The following ZC2HC1B variants were observed in gnomAD, a reference collection of about 807,000 sequenced individuals.
The protein encoded by ZC2HC1B is zinc finger C2HC-type containing 1B, also known as zinc finger C2HC domain-containing protein 1B.
A neutral mutation model predicts 31.0 loss-of-function variants in ZC2HC1B; 36 were observed. That is an observed-to-expected ratio of 1.16 (90% CI 0.89 to 1.54). The LOEUF (loss-of-function observed/expected upper bound fraction) is 1.54. Among genes scored for constraint, ZC2HC1B ranks in the 40% most tolerant of loss-of-function variants. The pLI is 0.00. For missense variants in ZC2HC1B, 260 were observed against 268.6 expected (o/e 0.97, Z 0.22); for synonymous variants, 73 against 88.0 (o/e 0.83, Z 0.95).
Position 143,917,209 on chromosome 6 carries a change from T to C in ZC2HC1B, c.598+14057T>C, listed in dbSNP as rs901404244. Among the ~76,000 whole-genome samples, 3 of 152,224 alleles carry C rather than the reference T, an allele frequency of 2.0e-5. No individual in the cohort carries two copies. The highest frequency in any genetic ancestry group is 2.1e-4 in the South Asian group (1 of 4,828). ...CTCTCTGTTCTCTTGTCTGCTGCCA[T>C]GTGAGACGTGCCTTTCACCTTCCAC... On this transcript the variant is annotated intron_variant, in intron 6 of 7. Transcript: ENST00000237275. This position sits in a 1 kb window ranked among gnomAD's most constrained non-coding sequence, Gnocchi z 4.1.
intron 1 of ZC2HC1B, among the ~76,000 whole-genome samples, chr6:143,866,141 G>A (rs1777258889): frequency 1.3e-5 from 2 of 152,162 alleles, no homozygotes; most frequent in Admixed American, 1.3e-4. Flanking sequence ...AGCACTGCCC[G>A]TGAATGGTGT....
At chr6:143,892,046 C>G (rs1777608002) in intron 4 of ZC2HC1B, among the ~76,000 whole-genome samples, 1 of 152,140 alleles carries the variant, frequency 6.6e-6, no homozygotes. Flanking sequence ...AACCTTGATT[C>G]TTATACCATT....
chr6:143,884,275 A>G lies in ZC2HC1B; in HGVS notation c.29-29A>G, dbSNP rs1179392846. On this transcript the variant is annotated intron_variant, in intron 1 of 7. Transcript: ENST00000237275. The surrounding 1 kb of genome is among the most constrained non-coding windows in gnomAD (Gnocchi z 5.1). ...CTCAGCGAGGAAATTCCATGAAACT[A>G]ACATAATGTGCTCTTGAATTTTACA... 2 of 1,513,438 alleles carry G rather than the reference A, an allele frequency of 1.3e-6. No individual in the cohort carries two copies. The highest frequency in any genetic ancestry group is 8.9e-7 in the Non-Finnish European group (1 of 1,118,102). The allele number at this position is 1,513,438 out of a possible 1,614,324, so 93.8% of individuals were successfully genotyped here.
At position 143,920,256 on chromosome 6, in the gene ZC2HC1B, A is replaced by G. The variant is rs987643426; in HGVS notation, c.598+17104A>G. 3.9e-5 allele frequency among the ~76,000 whole-genome samples: 6 copies of G among 152,232 alleles called. No individual in the cohort carries two copies. In the East Asian group the frequency reaches 1.2e-3, roughly 29 times the overall value. ...TTAAGTTATAAGGATTAGATAACAA[A>G]TCAACACGAGGGTCTAGAACCATTG... On this transcript the variant is annotated intron_variant, in intron 6 of 7. Transcript: ENST00000237275.
chr6:143,886,939 A>G lies in ZC2HC1B; in HGVS notation c.349+118A>G, dbSNP rs1026714448. 9.7e-7 allele frequency: 1 copy of G among 1,033,704 alleles called. No homozygotes were observed. Among genetic ancestry groups the G allele is most frequent in the Non-Finnish European group, 1.3e-6 (1 of 772,364 alleles). The allele number at this position is 1,033,704 out of a possible 1,614,324, so 64.0% of individuals were successfully genotyped here. A position where few individuals can be genotyped will look rare whatever the true frequency, so the allele number is the denominator to read the frequency against. On this transcript the variant is annotated intron_variant, in intron 4 of 7. Transcript: ENST00000237275. The surrounding 1 kb of genome is among the most constrained non-coding windows in gnomAD (Gnocchi z 4.2). The stretch of plus-strand genomic sequence containing the variant: ...TTACATAGAAGTAATTTTATTAATT[A>G]TATAAAAGTAAACATCCTATTTTTT...
At chr6:143,901,717 C>T (rs752183136) in intron 5 of ZC2HC1B, among the ~76,000 whole-genome samples, 7 of 152,104 alleles carry the variant, frequency 4.6e-5, no homozygotes, top group Non-Finnish European at 8.8e-5. Flanking sequence ...CAGTGTCTTG[C>T]ACACAGGGGC....
At chr6:143,882,334 T>TATATATATATATATATATATATATATC (rs1554237238) in intron 1 of ZC2HC1B, among the ~76,000 whole-genome samples, 1 of 85,554 alleles carries the variant, frequency 1.2e-5, no homozygotes, top group Non-Finnish European at 2.0e-5. Flanking sequence ...TTTATATTTT[T>TATATATATATATATATATATATATATC]TATATATATA....
In ZC2HC1B at chr6:143,883,127, C is replaced by T. The variant is rs1003381290; in HGVS notation, c.29-1177C>T. Among the ~76,000 whole-genome samples the T allele has an allele frequency of 5.1e-4, 78 of 152,144 alleles. No homozygotes were observed. Among genetic ancestry groups the T allele is most frequent in the African/African-American group, 1.9e-3 (77 of 41,442 alleles). On this transcript the variant is annotated intron_variant, in intron 1 of 7. Coordinates refer to ENST00000237275, the MANE Select transcript of ZC2HC1B (RefSeq NM_001013623.3). This position sits in a 1 kb window ranked among gnomAD's most constrained non-coding sequence, Gnocchi z 4.1. ...TGATCATGGCTCACTGCAACTTCTGCCTCCTGGGCTCAAGTGATCCTCTCA... is the reference window on the plus strand; with the variant it reads ...TGATCATGGCTCACTGCAACTTCTGTCTCCTGGGCTCAAGTGATCCTCTCA...
chr6:143,926,521 G>A (rs573889036), intron 6 of ZC2HC1B, among the ~76,000 whole-genome samples: 5 of 151,792 alleles, frequency 3.3e-5, no homozygotes, highest in South Asian at 2.1e-4. Flanking sequence ...GACTTGCTTC[G>A]TGGCCTAGCA....
At chr6:143,907,916 A>G (rs1777815104) in intron 6 of ZC2HC1B, among the ~76,000 whole-genome samples, 2 of 152,194 alleles carry the variant, frequency 1.3e-5, no homozygotes, top group Non-Finnish European at 2.9e-5. Flanking sequence ...TTTGGGCTTT[A>G]CATTTAAGTC....
At chr6:143,881,283 G>T (rs1314831802) in intron 1 of ZC2HC1B, among the ~76,000 whole-genome samples, 2 of 152,086 alleles carry the variant, frequency 1.3e-5, no homozygotes, top group Non-Finnish European at 2.9e-5. Flanking sequence ...GGGCACGGTG[G>T]CTTACACCTG....
intron 6 of ZC2HC1B, among the ~76,000 whole-genome samples, chr6:143,932,669 T>A (rs184901198): frequency 2.6e-5 from 4 of 152,358 alleles, no homozygotes; most frequent in Non-Finnish European, 5.9e-5. Context: ...GTTCAGAGAT[T>A]GCTTCTTGGT....
intron 6 of ZC2HC1B, among the ~76,000 whole-genome samples, chr6:143,912,892 G>T (rs145711399): frequency 4.9e-4 from 75 of 152,306 alleles, no homozygotes; most frequent in African/African-American, 1.7e-3. Context: ...CAGGCACTTT[G>T]TCCCAGGGAC....
In ZC2HC1B at chr6:143,915,597, C is replaced by T. The variant is rs1777907777; in HGVS notation, c.598+12445C>T. Among the ~76,000 whole-genome samples, 1 of 152,118 alleles carries T rather than the reference C, an allele frequency of 6.6e-6. No homozygotes were observed. Among genetic ancestry groups the T allele is most frequent in the Admixed American group, 6.5e-5 (1 of 15,282 alleles). ...CTAGAGACTTGTTGAATGGCTTTGA[C>T]CAAAATGTTGATAGTGATACGGACA... On this transcript the variant is annotated intron_variant, in intron 6 of 7. Coordinates refer to ENST00000237275, the MANE Select transcript of ZC2HC1B (RefSeq NM_001013623.3). The surrounding 1 kb of genome is among the most constrained non-coding windows in gnomAD (Gnocchi z 5.2).
chr6:143,913,710 A>C lies in ZC2HC1B; in HGVS notation c.598+10558A>C, dbSNP rs531373432. 1.3e-5 allele frequency among the ~76,000 whole-genome samples: 2 copies of C among 152,324 alleles called. No individual in the cohort carries two copies. Among genetic ancestry groups the C allele is most frequent in the Non-Finnish European group, 2.9e-5 (2 of 68,018 alleles). The stretch of plus-strand genomic sequence containing the variant: ...GGCTCACAAGGGGATCTCCTGATCC[A>C]CAGGTTGCAAAGATTCATGGGAGAA... On this transcript the variant is annotated intron_variant, in intron 6 of 7. Transcript: ENST00000237275. The surrounding 1 kb of genome is among the most constrained non-coding windows in gnomAD (Gnocchi z 5.7).
chr6:143,927,500 A>G (rs777940682), intron 6 of ZC2HC1B, among the ~76,000 whole-genome samples: 4 of 152,212 alleles, frequency 2.6e-5, no homozygotes, highest in African/African-American at 7.2e-5. Flanking sequence ...TCATGGATAC[A>G]TAGTATTCCA....
At chr6:143,920,822 C>T (rs1009180702) in intron 6 of ZC2HC1B, among the ~76,000 whole-genome samples, 8 of 151,042 alleles carry the variant, frequency 5.3e-5, no homozygotes, top group South Asian at 2.1e-4. Flanking sequence ...GCAGGAGAAT[C>T]GCTTGAACCC....
rs974487795 is a variant in ZC2HC1B at position 143,937,852 on chromosome 6, C to T, written c.*14+119C>T. 19 of 654,430 alleles carry T rather than the reference C, an allele frequency of 2.9e-5. No homozygotes were observed. The South Asian group carries it at 4.1e-4, about 14-fold the overall frequency. 40.5% of individuals were successfully genotyped at this position (654,430 alleles called of 1,614,324 possible). A position where few individuals can be genotyped will look rare whatever the true frequency, so the allele number is the denominator to read the frequency against. ...CTGGACAAACTCCAAGTTGGGTTAA[C>T]AAAATGTATGCTCTTGAAACTGACT... On this transcript the variant is annotated intron_variant, in intron 7 of 7. Coordinates refer to ENST00000237275, the MANE Select transcript of ZC2HC1B (RefSeq NM_001013623.3).
rs1338639351 is a variant in ZC2HC1B at position 143,886,976 on chromosome 6, T to G, written c.349+155T>G. On this transcript the variant is annotated intron_variant, in intron 4 of 7. Coordinates refer to ENST00000237275, the MANE Select transcript of ZC2HC1B (RefSeq NM_001013623.3). The surrounding 1 kb of genome is among the most constrained non-coding windows in gnomAD (Gnocchi z 4.2). ...ACATCCTATTTTTTTCAATTCTGCA[T>G]AAAGATTCTGTGTTTCCTTCTAACT... 1.3e-5 allele frequency among the ~76,000 whole-genome samples: 2 copies of G among 152,200 alleles called. No individual in the cohort carries two copies. The highest frequency in any genetic ancestry group is 2.9e-5 in the Non-Finnish European group (2 of 68,034).
Sources: gnomAD v4.1 joint callset for allele counts (sites outside exome capture counted in the v4.1 genomes callset) on GRCh38, gnomAD v4.1.1 for gene constraint, Gnocchi (gnomAD v3.1) non-coding constraint, MANE v1.5 for transcripts, NCBI Gene and HGNC (gene_info 2026-07-23, HGNC 2026-07-21) for gene names.